MYRIP: variants seen among roughly 807,000 people sequenced by gnomAD.
MYRIP encodes the protein myosin VIIA and Rab interacting protein.
In MYRIP, 49 loss-of-function variants were observed where a neutral mutation model predicts 98.0. The ratio of observed to expected loss-of-function variants is 0.50; its 90% CI spans 0.40 to 0.63. MYRIP has a LOEUF of 0.63. MYRIP is among the 30% of genes least tolerant of loss of function. The pLI, the probability that MYRIP is intolerant of heterozygous loss-of-function variation, is 0.00. For synonymous variants in MYRIP, 404 were observed against 409.5 expected (o/e 0.99, Z 0.16); for missense variants, 1,004 against 1,058.2 (o/e 0.95, Z 0.71).
intron 2 of MYRIP, among the ~76,000 whole-genome samples, chr3:39,912,303 G>T (rs985966329): frequency 5.3e-5 from 8 of 152,162 alleles, no homozygotes; most frequent in South Asian, 2.1e-4. Flanking sequence ...AGGTTGGCAG[G>T]CTGTTTGGTT....
chr3:40,027,752 T>C (rs1415373888), intron 2 of MYRIP, among the ~76,000 whole-genome samples: 1 of 152,146 alleles, frequency 6.6e-6, no homozygotes, highest in Non-Finnish European at 1.5e-5. Context: ...CCTGTAATAA[T>C]AGGTGCCTAA....
At chr3:40,119,207 G>A (rs1949346530) in intron 3 of MYRIP, among the ~76,000 whole-genome samples, 1 of 152,000 alleles carries the variant, frequency 6.6e-6, no homozygotes, top group Non-Finnish European at 1.5e-5. Flanking sequence ...CAGTGTAAAA[G>A]TGTTCCTATT....
In MYRIP at chr3:39,996,681, A is replaced by C. The variant is rs557978334; in HGVS notation, c.111-47369A>C. Among the ~76,000 whole-genome samples, 8 of 152,320 alleles carry C rather than the reference A, an allele frequency of 5.3e-5. No individual in the cohort carries two copies. The South Asian group carries it at 1.7e-3, about 32-fold the overall frequency. On this transcript the variant is annotated intron_variant, in intron 2 of 16. Coordinates refer to ENST00000302541, the MANE Select transcript of MYRIP (RefSeq NM_015460.4). ...CTGAACTCAGCTCTGCACCAAGTGG[A>C]CCTAATAGACATCTACAGAACTCTC... is the stretch of plus-strand genomic sequence containing the variant.
intron 2 of MYRIP, among the ~76,000 whole-genome samples, chr3:40,016,536 C>T (rs1356459619): frequency 6.6e-6 from 1 of 152,156 alleles, no homozygotes; most frequent in African/African-American, 2.4e-5. Flanking sequence ...CTCCAGAGTT[C>T]CCCATGGGGT....
chr3:40,191,836 G>A (rs1207715947), intron 10 of MYRIP, among the ~76,000 whole-genome samples: 1 of 152,096 alleles, frequency 6.6e-6, no homozygotes, highest in South Asian at 2.1e-4. Context: ...CCAGAAACAT[G>A]GAATGATTTG....
intron 2 of MYRIP, among the ~76,000 whole-genome samples, chr3:39,953,586 C>G (rs1945081484): frequency 6.6e-6 from 1 of 152,100 alleles, no homozygotes; most frequent in Non-Finnish European, 1.5e-5. Context: ...CAAATAGGAA[C>G]AGCTCCAGTC....
chr3:40,038,717 C>A (rs1413996746), intron 2 of MYRIP, among the ~76,000 whole-genome samples: 2 of 151,872 alleles, frequency 1.3e-5, no homozygotes, highest in East Asian at 3.9e-4. Flanking sequence ...AATATGGGGA[C>A]AGGGGAAGGA....
rs577555989 is a variant in MYRIP at position 40,214,851 on chromosome 3, T to C, written c.1905+4758T>C. On this transcript the variant is annotated intron_variant, in intron 11 of 16. Coordinates refer to ENST00000302541, the MANE Select transcript of MYRIP (RefSeq NM_015460.4). ...CAGCTGCTGCCCTCCTAAAGGGGGA[T>C]GCAAAAGAGGACTAAGGACTCCTGG... Among the ~76,000 whole-genome samples the C allele has an allele frequency of 2.4e-4, 36 of 152,242 alleles. No individual in the cohort carries two copies. The South Asian group carries it at 6.8e-3, about 29-fold the overall frequency.
intron 2 of MYRIP, among the ~76,000 whole-genome samples, chr3:39,979,028 T>G (rs1198988547): frequency 3.9e-5 from 6 of 152,196 alleles, no homozygotes; most frequent in Non-Finnish European, 1.5e-5. Context: ...ATAGCTTCAT[T>G]GTACATTAGT....
intron 2 of MYRIP, among the ~76,000 whole-genome samples, chr3:39,935,963 A>C (rs530231366): frequency 2.6e-5 from 4 of 152,312 alleles, no homozygotes; most frequent in Admixed American, 2.0e-4. Context: ...AATATTAAAA[A>C]ATTTCAGAAA....
At chr3:39,884,985 G>A (rs1404706387) in intron 1 of MYRIP, among the ~76,000 whole-genome samples, 1 of 131,284 alleles carries the variant, frequency 7.6e-6, no homozygotes, top group Non-Finnish European at 1.5e-5. Flanking sequence ...CTCTATAGAG[G>A]TGGTATAAAT....
chr3:40,077,173 G>C (rs917369680), intron 3 of MYRIP, among the ~76,000 whole-genome samples: 30 of 152,286 alleles, frequency 2.0e-4, no homozygotes, highest in African/African-American at 6.5e-4. Flanking sequence ...GACCTTCGCG[G>C]TGAGTGTTAC....
chr3:40,099,615 G>A (rs1268243787), intron 3 of MYRIP, among the ~76,000 whole-genome samples: 2 of 152,126 alleles, frequency 1.3e-5, no homozygotes, highest in Non-Finnish European at 2.9e-5. Context: ...TTATACCACA[G>A]GGAGTGTACT....
intron 13 of MYRIP, among the ~76,000 whole-genome samples, chr3:40,245,643 C>A (rs1953171899): frequency 9.0e-6 from 1 of 111,490 alleles, no homozygotes; most frequent in Non-Finnish European, 1.8e-5. Flanking sequence ...GAGTGAGACT[C>A]CATCTCCAAA....
At chr3:40,219,666 A>G (rs1406343249) in intron 11 of MYRIP, among the ~76,000 whole-genome samples, 1 of 152,092 alleles carries the variant, frequency 6.6e-6, no homozygotes, top group African/African-American at 2.4e-5. Context: ...AAATGAACTC[A>G]TCATTTTTTA....
chr3:40,044,017 C>T, intron 2 of MYRIP, 33 bp from the exon 3 acceptor site: 2 of 1,601,904 alleles, frequency 1.2e-6, no homozygotes, highest in Non-Finnish European at 1.7e-6. Context: ...GTGTTTCTCT[C>T]CTCCTCCCAT....
At chr3:40,069,118 A>G (rs1948175296) in intron 3 of MYRIP, among the ~76,000 whole-genome samples, 1 of 152,184 alleles carries the variant, frequency 6.6e-6, no homozygotes, top group African/African-American at 2.4e-5. Flanking sequence ...CCCATGGGAC[A>G]AAAGGATTGT....
intron 6 of MYRIP, 90 bp downstream of exon 6, chr3:40,167,033 G>GT (rs1950515646): frequency 7.3e-7 from 1 of 1,365,590 alleles, no homozygotes; most frequent in Admixed American, 1.7e-5. Flanking sequence ...GGAAATCAAT[G>GT]TCCCAGCAGC....
At chr3:39,842,172 A>G (rs1414671448) in intron 1 of MYRIP, among the ~76,000 whole-genome samples, 1 of 152,146 alleles carries the variant, frequency 6.6e-6, no homozygotes, top group Non-Finnish European at 1.5e-5. Flanking sequence ...GGAGGAATCT[A>G]GAGAGGCAGT....
Sources: gnomAD v4.1 joint callset for allele counts (sites outside exome capture counted in the v4.1 genomes callset) on GRCh38, gnomAD v4.1.1 for gene constraint, MANE v1.5 for transcripts, NCBI Gene and HGNC (gene_info 2026-07-23, HGNC 2026-07-21) for gene names.